Variants in IQCB1 observed in about 807,000 individuals in gnomAD.
IQCB1 encodes IQ calmodulin-binding motif-containing protein 1.
Under a neutral mutation model 84.4 loss-of-function variants are expected in IQCB1, and 56 were observed. The ratio of observed to expected loss-of-function variants is 0.66; its 90% CI spans 0.54 to 0.83. IQCB1 has a LOEUF of 0.83. Ranked by LOEUF, IQCB1 falls within the 40% of genes least tolerant of loss-of-function variation. IQCB1 has a pLI of 0.00. For missense variants in IQCB1, 629 were observed against 682.1 expected, an observed-to-expected ratio of 0.92 and a Z score of 0.87; for synonymous variants, 210 against 234.8, an observed-to-expected ratio of 0.89 and a Z score of 0.96.
At chr3:121,807,296 T>C (rs771285318) in intron 7 of IQCB1, 48 bp downstream of exon 7, 9 of 924,592 alleles carry the variant, frequency 9.7e-6, no homozygotes, top group Admixed American at 3.5e-5. Context: ...AAATTGGTAA[T>C]GCTTCTGATA....
intron 7 of IQCB1, among the ~76,000 whole-genome samples, chr3:121,801,112 G>T (rs1949390720): frequency 6.6e-6 from 1 of 151,678 alleles, no homozygotes; most frequent in African/African-American, 2.4e-5. Flanking sequence ...ACCCTAAAAG[G>T]TTATTCCCCA....
intron 5 of IQCB1, among the ~76,000 whole-genome samples, chr3:121,813,923 C>T (rs1372664204): frequency 6.6e-6 from 1 of 152,180 alleles, no homozygotes; most frequent in Non-Finnish European, 1.5e-5. Context: ...CCAAGCGGAC[C>T]TAATAGACAT....
intron 7 of IQCB1, among the ~76,000 whole-genome samples, chr3:121,801,462 G>T (rs1297271706): frequency 6.6e-6 from 1 of 151,962 alleles, no homozygotes; most frequent in Non-Finnish European, 1.5e-5. Context: ...ACATACCACA[G>T]TCTAATCACC....
chr3:121,817,425 T>TTA (rs1950110369), intron 5 of IQCB1, among the ~76,000 whole-genome samples: 1 of 146,728 alleles, frequency 6.8e-6, no homozygotes, highest in Non-Finnish European at 1.5e-5. Context: ...GAAAGTATAA[T>TTA]AAAAAAAAAA....
chr3:121,814,006 C>T (rs1307175021), intron 5 of IQCB1, among the ~76,000 whole-genome samples: 4 of 152,020 alleles, frequency 2.6e-5, no homozygotes, highest in South Asian at 4.1e-4. Flanking sequence ...ATTCTAAAAT[C>T]GACCACATAA....
At chr3:121,803,131 C>T (rs4645167) in intron 7 of IQCB1, among the ~76,000 whole-genome samples, 97,840 of 151,942 alleles carry the variant, frequency 0.64, 31,986 homozygotes, top group African/African-American at 0.72. Flanking sequence ...CTCAACTCAC[C>T]GTAACCTCTG....
chr3:121,811,340 C>T (rs1380850720), intron 5 of IQCB1, among the ~76,000 whole-genome samples: 1 of 152,194 alleles, frequency 6.6e-6, no homozygotes, highest in African/African-American at 2.4e-5. Context: ...AACTGGTCAG[C>T]TGTTTGGGCA....
intron 5 of IQCB1, among the ~76,000 whole-genome samples, chr3:121,821,998 A>G (rs1356566841): frequency 2.0e-5 from 3 of 152,240 alleles, no homozygotes; most frequent in Non-Finnish European, 2.9e-5. Context: ...CCTCTCCCAC[A>G]TAAAGGGAAA....
chr3:121,799,188 T>A lies in IQCB1; in HGVS notation c.766+8A>T. 1 of 1,595,638 alleles carries A rather than the reference T, an allele frequency of 6.3e-7. No homozygotes were observed. Among genetic ancestry groups the A allele is most frequent in the South Asian group, 1.1e-5 (1 of 90,204 alleles). ...GAATCCCAAGAAAAGAAAGAATGAA[T>A]GTACTACCTTTGTAGCAGGTACTTT... On this transcript the variant is annotated splice_region_variant and intron_variant, in intron 8 of 14. Coordinates refer to ENST00000310864, the MANE Select transcript of IQCB1 (RefSeq NM_001023570.4).
intron 9 of IQCB1, 28 bp downstream of exon 9, chr3:121,797,090 G>T: frequency 1.8e-6 from 2 of 1,102,636 alleles, no homozygotes; most frequent in Non-Finnish European, 1.4e-6. Flanking sequence ...CAAATATCAT[G>T]CAATTTTTTT....
chr3:121,788,161 A>T, intron 12 of IQCB1, 123 bp downstream of exon 12: 1 of 981,502 alleles, frequency 1.0e-6, no homozygotes, highest in Non-Finnish European at 1.6e-6. Flanking sequence ...CAAAAGAAAA[A>T]ACTAAGGCTC....
intron 4 of IQCB1, among the ~76,000 whole-genome samples, 176 bp from the exon 5 acceptor site, chr3:121,826,356 G>T (rs1010960411): frequency 8.5e-5 from 13 of 152,150 alleles, no homozygotes; most frequent in African/African-American, 2.7e-4. Flanking sequence ...CAGTGGTATG[G>T]ACCATGCTTG....
chr3:121,782,019 T>A (rs1171097644), intron 12 of IQCB1, 145 bp from the exon 13 acceptor site: 16 of 790,002 alleles, frequency 2.0e-5, no homozygotes, highest in Non-Finnish European at 3.2e-5. Context: ...TGTGACAAAA[T>A]GCAGGAGAAC....
intron 5 of IQCB1, among the ~76,000 whole-genome samples, chr3:121,822,535 C>T (rs768377396): frequency 6.6e-6 from 1 of 152,146 alleles, no homozygotes; most frequent in African/African-American, 2.4e-5. Flanking sequence ...AGAGAAAAGG[C>T]TCCACGGAGC....
rs115254185 is a variant in IQCB1 at position 121,822,586 on chromosome 3, G to A, written c.393+3465C>T. On this transcript the variant is annotated intron_variant, in intron 5 of 14. Coordinates refer to ENST00000310864, the MANE Select transcript of IQCB1 (RefSeq NM_001023570.4). The stretch of plus-strand genomic sequence containing the variant: ...GCTGAAAGGCTGAAAGAAATTACCA[G>A]CAATTTCATCTTTTGCCTAGTGCTG... Among the ~76,000 whole-genome samples, 278 of 152,312 alleles carry A rather than the reference G, an allele frequency of 1.8e-3. 1 individual carries two copies. The highest frequency in any genetic ancestry group is 6.1e-3 in the African/African-American group (253 of 41,574).
At chr3:121,790,287 T>A in intron 10 of IQCB1, 72 bp from the exon 11 acceptor site, 1 of 1,395,392 alleles carries the variant, frequency 7.2e-7, no homozygotes, top group South Asian at 1.2e-5. Context: ...TCACTAGTAA[T>A]CAAATAAATG....
intron 12 of IQCB1, among the ~76,000 whole-genome samples, chr3:121,784,139 T>A (rs1237064283): frequency 6.6e-6 from 1 of 152,012 alleles, no homozygotes; most frequent in Non-Finnish European, 1.5e-5. Flanking sequence ...GTTCTTGATT[T>A]CAAATGTTTG....
At chr3:121,779,633 G>T (rs1195467962) in intron 13 of IQCB1, among the ~76,000 whole-genome samples, 2 of 151,970 alleles carry the variant, frequency 1.3e-5, no homozygotes, top group Non-Finnish European at 2.9e-5. Context: ...TCCTCATTAT[G>T]GGTCCTGTTT....
At chr3:121,799,165 A>G (rs1949310727) in intron 8 of IQCB1, 31 bp downstream of exon 8, 1 of 1,559,886 alleles carries the variant, frequency 6.4e-7, no homozygotes, top group African/African-American at 1.4e-5. Context: ...CTTTTTGAGA[A>G]TCCCAAGAAA....
Sources: allele counts gnomAD v4.1 joint callset (sites outside exome capture counted in the v4.1 genomes callset), GRCh38; gene constraint gnomAD v4.1.1; transcripts MANE v1.5; gene names NCBI Gene and HGNC (gene_info 2026-07-23, HGNC 2026-07-21).